Variants in HTR3B observed in about 807,000 individuals in gnomAD.
HTR3B encodes the protein 5-hydroxytryptamine receptor 3B, also known as 5-hydroxytryptamine (serotonin) receptor 3B, ionotropic.
HTR3B carries 44 observed loss-of-function variants against 42.8 expected under a neutral mutation model. That is an observed-to-expected ratio of 1.03 (90% CI 0.81 to 1.32). HTR3B has a LOEUF of 1.32. Ranked by LOEUF, HTR3B falls within the 40% of genes most tolerant of loss-of-function variation. The pLI, the probability that HTR3B is intolerant of heterozygous loss-of-function variation, is 0.00. For missense variants in HTR3B, 527 were observed against 536.5 expected (o/e 0.98, Z 0.17); for synonymous variants, 203 against 209.0 (o/e 0.97, Z 0.25).
intron 2 of HTR3B, among the ~76,000 whole-genome samples, chr11:113,914,719 A>T (rs1949834638): frequency 6.6e-6 from 1 of 152,026 alleles, no homozygotes; most frequent in Non-Finnish European, 1.5e-5. Flanking sequence ...ATTAGACTCT[A>T]GTCTTCTCAT....
chr11:113,928,673 A>T (rs1369689569), intron 2 of HTR3B, among the ~76,000 whole-genome samples: 2 of 152,096 alleles, frequency 1.3e-5, no homozygotes, highest in Non-Finnish European at 2.9e-5. Context: ...CGTAGCTGGG[A>T]TTACAGGTGT....
intron 1 of HTR3B, 80 bp from the exon 2 acceptor site, chr11:113,909,215 G>C: frequency 9.2e-7 from 1 of 1,085,764 alleles, no homozygotes; most frequent in Non-Finnish European, 1.4e-6. Flanking sequence ...AAAAGCCACC[G>C]AGTCCTGAAC....
intron 1 of HTR3B, among the ~76,000 whole-genome samples, chr11:113,907,514 T>C (rs1413464002): frequency 6.6e-6 from 1 of 152,196 alleles, no homozygotes; most frequent in Non-Finnish European, 1.5e-5. Context: ...TTAAGCATAT[T>C]TCCATTTGCT....
At chr11:113,925,263 C>T (rs1225497592) in intron 2 of HTR3B, among the ~76,000 whole-genome samples, 1 of 152,040 alleles carries the variant, frequency 6.6e-6, no homozygotes, top group African/African-American at 2.4e-5. Context: ...GGGGAGGAAA[C>T]GAGAGCTGTT....
In HTR3B at chr11:113,931,437, T is replaced by A; in HGVS notation, c.258+9T>A. 1.9e-6 allele frequency: 3 copies of A among 1,543,698 alleles called. No homozygotes were observed. The highest frequency in any genetic ancestry group is 2.7e-6 in the Non-Finnish European group (3 of 1,124,088). The stretch of plus-strand genomic sequence containing the variant: ...GTGTATGGTACCAAGAGGTAAATAA[T>A]TATGTTTTCTTCTAAATATATTGCA... On this transcript the variant is annotated intron_variant, in intron 3 of 8. Transcript: ENST00000260191.
rs1478360141 is a variant in HTR3B at position 113,948,707 on chromosome 11, T to C, written c.*2570T>C. Among the ~76,000 whole-genome samples, 4 of 151,876 alleles carry C rather than the reference T, an allele frequency of 2.6e-5. No homozygotes were observed. Among genetic ancestry groups the C allele is most frequent in the African/African-American group, 9.7e-5 (4 of 41,348 alleles). On this transcript the variant is annotated 3_prime_UTR_variant, in exon 9 of 9. Transcript: ENST00000260191. ...GGAGAAACCCTGTCTCTACTAAAAA[T>C]ACAAAATTAGCCAGGCGTGGTGGCA...
In HTR3B at chr11:113,921,479, C is replaced by G. The variant is rs184305728; in HGVS notation, c.214-9905C>G. On this transcript the variant is annotated intron_variant, in intron 2 of 8. Coordinates refer to ENST00000260191, the MANE Select transcript of HTR3B (RefSeq NM_006028.5). The stretch of plus-strand genomic sequence containing the variant: ...TATTAAGATAAAGAAAATTGCTGGC[C>G]GGGCGTGGTGGTGGGCACCTGTAGT... Among the ~76,000 whole-genome samples the G allele has an allele frequency of 3.4e-5, 5 of 147,722 alleles. No individual in the cohort carries two copies. The East Asian group carries it at 1.0e-3, about 30-fold the overall frequency.
At chr11:113,910,022 G>A (rs1369114166) in intron 2 of HTR3B, among the ~76,000 whole-genome samples, 1 of 148,202 alleles carries the variant, frequency 6.7e-6, no homozygotes, top group Non-Finnish European at 1.5e-5. Context: ...TTGTGGTCAT[G>A]GATCACAGTA....
chr11:113,933,803 T>A (rs1242032761), intron 6 of HTR3B, among the ~76,000 whole-genome samples: 1 of 152,222 alleles, frequency 6.6e-6, no homozygotes, highest in Non-Finnish European at 1.5e-5. Context: ...CCTGGGAAAC[T>A]GTTTTGACAC....
At chr11:113,931,988 G>A (rs1251955803) in intron 4 of HTR3B, 121 bp downstream of exon 4, 8 of 714,814 alleles carry the variant, frequency 1.1e-5, no homozygotes, top group Non-Finnish European at 1.8e-5. Context: ...GGAGCATATT[G>A]TTGGGAGTAT....
chr11:113,931,295 T>A, intron 2 of HTR3B, 89 bp from the exon 3 acceptor site: 1 of 942,846 alleles, frequency 1.1e-6, no homozygotes, highest in East Asian at 2.4e-5. Context: ...TAGATTTGAT[T>A]TTCTTCTTCT....
At chr11:113,917,565 G>A (rs947701460) in intron 2 of HTR3B, among the ~76,000 whole-genome samples, 1 of 151,936 alleles carries the variant, frequency 6.6e-6, no homozygotes, top group Non-Finnish European at 1.5e-5. Context: ...GTATTTTGAA[G>A]CTATGTTATT....
In HTR3B at chr11:113,948,850, C is replaced by A. The variant is rs1414503989; in HGVS notation, c.*2713C>A. 1.5e-5 allele frequency among the ~76,000 whole-genome samples: 2 copies of A among 136,402 alleles called. No homozygotes were observed. Among genetic ancestry groups the A allele is most frequent in the Non-Finnish European group, 3.1e-5 (2 of 65,328 alleles). The allele number at this position is 136,402 out of a possible 152,430, so 89.5% of individuals were successfully genotyped here. A position where few individuals can be genotyped will look rare whatever the true frequency, so the allele number is the denominator to read the frequency against. The stretch of plus-strand genomic sequence containing the variant: ...TGCACTCCAGCCCGGGCAACAAGAG[C>A]TAAACTCTATCTCAAAAAAAAAAAA... On this transcript the variant is annotated 3_prime_UTR_variant, in exon 9 of 9. Transcript: ENST00000260191.
intron 4 of HTR3B, 37 bp from the exon 5 acceptor site, chr11:113,932,252 C>G: frequency 6.4e-7 from 1 of 1,553,014 alleles, no homozygotes; most frequent in African/African-American, 1.4e-5. Flanking sequence ...GACCAACATC[C>G]TCTCTGTGAC....
intron 2 of HTR3B, among the ~76,000 whole-genome samples, chr11:113,919,337 C>T (rs1329750174): frequency 6.6e-6 from 1 of 152,092 alleles, no homozygotes; most frequent in Non-Finnish European, 1.5e-5. Context: ...CATTTACATA[C>T]AAAATATACC....
At chr11:113,910,266 T>C (rs80266527) in intron 2 of HTR3B, among the ~76,000 whole-genome samples, 1,912 of 152,238 alleles carry the variant, frequency 0.013, 33 homozygotes, top group African/African-American at 0.043. Context: ...TTTTCTCCTA[T>C]GTCTGAAAGA....
At chr11:113,923,720 G>A (rs1314202256) in intron 2 of HTR3B, among the ~76,000 whole-genome samples, 1 of 152,062 alleles carries the variant, frequency 6.6e-6, no homozygotes, top group African/African-American at 2.4e-5. Flanking sequence ...AAAAAACAGG[G>A]CGAGATACAC....
At chr11:113,918,234 G>T (rs866354918) in intron 2 of HTR3B, among the ~76,000 whole-genome samples, 3 of 151,166 alleles carry the variant, frequency 2.0e-5, no homozygotes, top group Middle Eastern at 6.8e-3. Context: ...ACAATCTATA[G>T]AGCTTATTCA....
chr11:113,910,572 C>T (rs1271196195), intron 2 of HTR3B, among the ~76,000 whole-genome samples: 1 of 151,986 alleles, frequency 6.6e-6, no homozygotes, highest in Non-Finnish European at 1.5e-5. Context: ...TACCTAGTAG[C>T]TGGGATTACA....
Sources: allele counts gnomAD v4.1 joint callset (sites outside exome capture counted in the v4.1 genomes callset), GRCh38; gene constraint gnomAD v4.1.1; transcripts MANE v1.5; gene names NCBI Gene and HGNC (gene_info 2026-07-23, HGNC 2026-07-21).